The following RBM23 variants were observed in gnomAD, a reference collection of about 807,000 sequenced individuals.
RBM23 encodes the protein RNA binding motif protein 23, also known as probable RNA-binding protein 23.
RBM23 carries 53 observed loss-of-function variants against 56.2 expected under a neutral mutation model. The observed-to-expected ratio is 0.94, with a 90% CI of 0.76 to 1.19. The LOEUF (loss-of-function observed/expected upper bound fraction) is 1.19. Ranked by LOEUF, RBM23 falls within the 50% of genes most tolerant of loss-of-function variation. The pLI is 0.00. For missense variants in RBM23, 642 were observed against 590.3 expected (o/e 1.09, Z -0.91); for synonymous variants, 197 against 198.5 (o/e 0.99, Z 0.06).
rs1485214111 is a variant in RBM23, at chr14:22,905,584, AC to A, written c.455+21del. Reference sequence around the variant, plus strand: ...TTATTCATACCTCACAATCCCTAAAACAGTGTTCATTATCAACCCACCTGAC... The same window carrying A: ...TTATTCATACCTCACAATCCCTAAAAAGTGTTCATTATCAACCCACCTGAC... On this transcript the variant is annotated intron_variant, in intron 6 of 13. Transcript: ENST00000359890. 5 of 1,607,452 alleles carry A rather than the reference AC, an allele frequency of 3.1e-6. No individual in the cohort carries two copies. In the Admixed American group the frequency reaches 6.7e-5, roughly 21 times the overall value.
rs1451274948 is a variant in RBM23 at position 22,901,257 on chromosome 14, T to C, written c.*473A>G. ...TCCATGCTATCTCCCAGGGCCCTTG[T>C]AGCAGAAAGAGCACCTTCAAGGTTC... is the stretch of plus-strand genomic sequence containing the variant. On this transcript the variant is annotated 3_prime_UTR_variant, in exon 14 of 14. Transcript: ENST00000359890. 5.9e-6 allele frequency: 1 copy of C among 168,652 alleles called. No homozygotes were observed. The highest frequency in any genetic ancestry group is 2.4e-5 in the African/African-American group (1 of 41,744). 10.4% of individuals were successfully genotyped at this position (168,652 alleles called of 1,614,324 possible). A position where few individuals can be genotyped will look rare whatever the true frequency, so the allele number is the denominator to read the frequency against.
chr14:22,914,205 G>A (rs542276976), intron 1 of RBM23, among the ~76,000 whole-genome samples: 21 of 151,564 alleles, frequency 1.4e-4, no homozygotes, highest in African/African-American at 4.8e-4. Context: ...CACGCCTGTT[G>A]TCCCAGCTAC....
rs2040408583 is a variant in RBM23 at position 22,900,910 on chromosome 14, G to C, written c.*820C>G. Reference sequence around the variant, plus strand: ...AATTGCCAGGGTTGAGGCCACAGTAGAGGCACACAGGAAGTGGTAGAGTAG... The same window carrying C: ...AATTGCCAGGGTTGAGGCCACAGTACAGGCACACAGGAAGTGGTAGAGTAG... On this transcript the variant is annotated 3_prime_UTR_variant, in exon 14 of 14. Transcript: ENST00000359890. The C allele has an allele frequency of 6.6e-6, 1 of 152,176 alleles. No homozygotes were observed. Among genetic ancestry groups the C allele is most frequent in the South Asian group, 2.1e-4 (1 of 4,828 alleles). The allele number at this position is 152,176 out of a possible 1,614,324, so 9.4% of individuals were successfully genotyped here. A position where few individuals can be genotyped will look rare whatever the true frequency, so the allele number is the denominator to read the frequency against.
At position 22,909,478 on chromosome 14, in the gene RBM23, C is replaced by T; in HGVS notation, c.179+5G>A. ...TGCCAACCCATTTCTTCCTCCCACA[C>T]TCACTTGCTTGTCTCCCCGATGGTG... On this transcript the variant is annotated splice_donor_5th_base_variant and intron_variant, in intron 3 of 13. Coordinates refer to ENST00000359890, the MANE Select transcript of RBM23 (RefSeq NM_001077351.2). 1 of 1,611,624 alleles carries T rather than the reference C, an allele frequency of 6.2e-7. No individual in the cohort carries two copies. The highest frequency in any genetic ancestry group is 2.2e-5 in the East Asian group (1 of 44,888).
chr14:22,903,490 C>G, intron 10 of RBM23: 1 of 985,744 alleles, frequency 1.0e-6, no homozygotes, highest in Non-Finnish European at 1.2e-6. Context: ...TAGGGCCTGG[C>G]ATGTGGTACT....
chr14:22,917,792 TTTC>T (rs1343008799), intron 1 of RBM23: 1 of 152,194 alleles, frequency 6.6e-6, no homozygotes, highest in African/African-American at 2.4e-5. Flanking sequence ...TAGAGTATGT[TTTC>T]TTCCATCCTG....
Position 22,909,504 on chromosome 14 carries a change from C to T in RBM23, c.158G>A (p.Ser53Asn), listed in dbSNP as rs1176071378. 2 of 1,613,044 alleles carry T rather than the reference C, an allele frequency of 1.2e-6. No individual in the cohort carries two copies. Among genetic ancestry groups the T allele is most frequent in the Non-Finnish European group, 8.5e-7 (1 of 1,179,912 alleles). Reference sequence around the variant, plus strand: ...TCACTTGCTTGTCTCCCCGATGGTGCTGCTTCCACTGGTCTCATTGCCACT... The same window carrying T: ...TCACTTGCTTGTCTCCCCGATGGTGTTGCTTCCACTGGTCTCATTGCCACT... ...SNSGNETSGS[S>N]TIGETSKKKR... is the part of the protein sequence containing the mutation. The change falls in exon 3 of 14, where the codon AGC (serine) becomes AAC (asparagine). Residue 53 changes from serine to asparagine, a missense_variant. Transcript: ENST00000359890.
intron 10 of RBM23, 189 bp downstream of exon 10, chr14:22,904,072 T>A: frequency 6.6e-7 from 1 of 1,522,736 alleles, no homozygotes; most frequent in African/African-American, 1.4e-5. Flanking sequence ...TGACAGAGTG[T>A]AGGAGCAAAG....
chr14:22,902,351 AG>A lies in RBM23; in HGVS notation c.961del (p.Leu321TrpfsTer4). ...AAGCTCAAACCCATTCAACTGTTCC[AG>A]GGCCCGCCGGGCACACTCAGAATCA... ...FSDSECARRALEQLNGFELAG... is the reference protein window; with the variant it reads ...FSDSECARRAXEQLNGFELAG... On this transcript the variant is annotated frameshift_variant, in exon 11 of 14. Transcript: ENST00000359890. LOFTEE classifies it high-confidence loss of function. 6.2e-7 allele frequency: 1 copy of A among 1,613,882 alleles called. No homozygotes were observed. The highest frequency in any genetic ancestry group is 1.3e-5 in the African/African-American group (1 of 75,032).
At position 22,919,027 on chromosome 14, in the gene RBM23, G is replaced by T. The variant is rs2044124722; in HGVS notation, c.-39C>A. 1 of 152,088 alleles carries T rather than the reference G, an allele frequency of 6.6e-6. No homozygotes were observed. Among genetic ancestry groups the T allele is most frequent in the Non-Finnish European group, 1.5e-5 (1 of 68,030 alleles). 9.4% of individuals were successfully genotyped at this position (152,088 alleles called of 1,614,324 possible). A position where few individuals can be genotyped will look rare whatever the true frequency, so the allele number is the denominator to read the frequency against. ...TTCCGGGTCCCCGCAGGGGGGTCCC[G>T]GTTCTCTCCGTTCCTTTGAGTATGT... On this transcript the variant is annotated 5_prime_UTR_variant, in exon 1 of 14. Coordinates refer to ENST00000359890, the MANE Select transcript of RBM23 (RefSeq NM_001077351.2).
At position 22,901,481 on chromosome 14, in the gene RBM23, C is replaced by T. The variant is rs891746138; in HGVS notation, c.*249G>A. On this transcript the variant is annotated 3_prime_UTR_variant, in exon 14 of 14. Transcript: ENST00000359890. ...CTCAGAGACGATACACATGGAGAAA[C>T]AGGTATTCAATGCAGGTGTGGATTC... The T allele has an allele frequency of 1.7e-6, 1 of 594,656 alleles. No homozygotes were observed. The highest frequency in any genetic ancestry group is 1.9e-5 in the African/African-American group (1 of 53,690). The allele number at this position is 594,656 out of a possible 1,614,324, so 36.8% of individuals were successfully genotyped here. A position where few individuals can be genotyped will look rare whatever the true frequency, so the allele number is the denominator to read the frequency against.
chr14:22,899,614 G>A lies in RBM23; in HGVS notation c.*2116C>T, dbSNP rs549671419. Reference sequence around the variant, plus strand: ...CAGGCTGGTCTTGAACTGACCTCGTGATCCACCCACCTCGGCCTCCCAAAG... The same window carrying A: ...CAGGCTGGTCTTGAACTGACCTCGTAATCCACCCACCTCGGCCTCCCAAAG... On this transcript the variant is annotated 3_prime_UTR_variant, in exon 14 of 14. Transcript: ENST00000359890. 6.6e-6 allele frequency: 1 copy of A among 152,416 alleles called. No homozygotes were observed. Among genetic ancestry groups the A allele is most frequent in the South Asian group, 2.1e-4 (1 of 4,828 alleles). The allele number at this position is 152,416 out of a possible 1,614,324, so 9.4% of individuals were successfully genotyped here. A position where few individuals can be genotyped will look rare whatever the true frequency, so the allele number is the denominator to read the frequency against.
intron 4 of RBM23, among the ~76,000 whole-genome samples, chr14:22,907,674 C>T (rs2041804875): frequency 6.6e-6 from 1 of 152,190 alleles, no homozygotes; most frequent in Non-Finnish European, 1.5e-5. Flanking sequence ...CTATATTTAT[C>T]ATTCTAGAAT....
intron 10 of RBM23, 27 bp from the exon 11 acceptor site, chr14:22,902,409 C>T: frequency 6.2e-7 from 1 of 1,601,142 alleles, no homozygotes; most frequent in Non-Finnish European, 8.5e-7. Flanking sequence ...CCATGTTAGT[C>T]ACCTACTCAC....
chr14:22,905,959 T>C, intron 5 of RBM23: 5 of 608,456 alleles, frequency 8.2e-6, no homozygotes, highest in Non-Finnish European at 1.4e-5. Flanking sequence ...CATGTTGTCC[T>C]GGCTGGTCTT....
chr14:22,894,411 T>C lies in RBM23; in HGVS notation c.*7319A>G, dbSNP rs1164411957. ...ACAACTTGACTTTAAGCAGAGGACC[T>C]GTGCTGATTTAAAATACTTACTCAG... On this transcript the variant is annotated 3_prime_UTR_variant, in exon 14 of 14. Transcript: ENST00000359890. 4 of 152,260 alleles carry C rather than the reference T, an allele frequency of 2.6e-5. No homozygotes were observed. The highest frequency in any genetic ancestry group is 5.9e-5 in the Non-Finnish European group (4 of 68,046). 9.4% of individuals were successfully genotyped at this position (152,260 alleles called of 1,614,324 possible). A position where few individuals can be genotyped will look rare whatever the true frequency, so the allele number is the denominator to read the frequency against.
chr14:22,916,088 T>C (rs542039735), intron 1 of RBM23, among the ~76,000 whole-genome samples: 2 of 152,184 alleles, frequency 1.3e-5, no homozygotes, highest in South Asian at 4.1e-4. Context: ...TGGTGGTGCG[T>C]GCCTGTAGTC....
intron 1 of RBM23, among the ~76,000 whole-genome samples, chr14:22,916,258 T>G (rs549595121): frequency 6.6e-6 from 1 of 150,702 alleles, no homozygotes; most frequent in African/African-American, 2.5e-5. Context: ...AAGGGAAGAA[T>G]GTTTTTTTTT....
At chr14:22,914,023 C>CA (rs71272859) in intron 1 of RBM23, 54,540 of 101,530 alleles carry the variant, frequency 0.54, 15,116 homozygotes, top group East Asian at 0.8. Flanking sequence ...GACTCTGTCT[C>CA]AAAAAAAAAA....
Sources: allele counts gnomAD v4.1 joint callset (sites outside exome capture counted in the v4.1 genomes callset), GRCh38; gene constraint gnomAD v4.1.1; transcripts MANE v1.5; gene names NCBI Gene and HGNC (gene_info 2026-07-23, HGNC 2026-07-21).